LAMA1: variants seen among roughly 807,000 people sequenced by gnomAD.
The protein encoded by LAMA1 is laminin subunit alpha-1.
LAMA1 carries 219 observed loss-of-function variants against 348.7 expected under a neutral mutation model. The observed-to-expected ratio is 0.63, with a 90% CI of 0.56 to 0.70. LAMA1 has a LOEUF of 0.70. Ranked by LOEUF, LAMA1 falls within the 30% of genes least tolerant of loss-of-function variation. The pLI is 0.00. For missense variants in LAMA1, 3,744 were observed against 3,888.0 expected (o/e 0.96, Z 0.99); for synonymous variants, 1,487 against 1,491.0 (o/e 1.00, Z 0.06).
chr18:7,070,618 C>T (rs2058142043), intron 3 of LAMA1, among the ~76,000 whole-genome samples: 1 of 152,134 alleles, frequency 6.6e-6, no homozygotes. Flanking sequence ...CAGCTCTTGT[C>T]TAAAAGTTTG....
intron 1 of LAMA1, among the ~76,000 whole-genome samples, chr18:7,116,458 A>C (rs2058356856): frequency 6.6e-6 from 1 of 152,154 alleles, no homozygotes; most frequent in African/African-American, 2.4e-5. Context: ...CTGCGTTTCC[A>C]GCTCCGGTCC....
intron 1 of LAMA1, among the ~76,000 whole-genome samples, chr18:7,083,354 T>C (rs1317874548): frequency 6.6e-6 from 1 of 151,778 alleles, no homozygotes; most frequent in African/African-American, 2.4e-5. Flanking sequence ...CCCAGCTAAT[T>C]TTTGTATTTT....
rs150887184 is a variant in LAMA1 at position 6,955,957 on chromosome 18, C to T, written c.8095-492G>A. The T allele has an allele frequency of 2.0e-4, 62 of 313,026 alleles. 2 individuals carry two copies. In the East Asian group the frequency reaches 3.2e-3, roughly 16 times the overall value. 19.4% of individuals were successfully genotyped at this position (313,026 alleles called of 1,614,324 possible). On this transcript the variant is annotated intron_variant, in intron 56 of 62. Transcript: ENST00000389658. ...CAGGATGCAGACAAGAGGAGCCAGGCGGGAAGGGCCCCTGAACCCCACGCA... is the reference window on the plus strand; with the variant it reads ...CAGGATGCAGACAAGAGGAGCCAGGTGGGAAGGGCCCCTGAACCCCACGCA...
chr18:7,065,253 A>C (rs1236435078), intron 3 of LAMA1, among the ~76,000 whole-genome samples: 2 of 143,032 alleles, frequency 1.4e-5, no homozygotes, highest in African/African-American at 5.0e-5. Context: ...AAAAAAAAAA[A>C]CAACGACTAG....
At chr18:6,962,164 G>A (rs1263488657) in intron 51 of LAMA1, 105 bp from the exon 52 acceptor site, 6 of 786,706 alleles carry the variant, frequency 7.6e-6, no homozygotes, top group East Asian at 7.5e-5. Flanking sequence ...GCTTATGCCT[G>A]TAATCCCAGC....
chr18:6,949,266 C>G lies in LAMA1; in HGVS notation c.8398-7G>C. 6.2e-7 allele frequency: 1 copy of G among 1,614,070 alleles called. No individual in the cohort carries two copies. Among genetic ancestry groups the G allele is most frequent in the Non-Finnish European group, 8.5e-7 (1 of 1,179,976 alleles). On this transcript the variant is annotated splice_region_variant and splice_polypyrimidine_tract_variant and intron_variant, in intron 58 of 62. Transcript: ENST00000389658. ...TAACATAGTCTGTCTTGACCTACAG[C>G]AAAGTGAAAACATGCATAATTTTTG... is the stretch of plus-strand genomic sequence containing the variant.
At chr18:7,070,572 T>G (rs1427182147) in intron 3 of LAMA1, among the ~76,000 whole-genome samples, 1 of 152,206 alleles carries the variant, frequency 6.6e-6, no homozygotes, top group East Asian at 1.9e-4. Flanking sequence ...AACTGACATC[T>G]GAATTAATGA....
intron 3 of LAMA1, among the ~76,000 whole-genome samples, chr18:7,052,293 T>A (rs1439017812): frequency 1.3e-5 from 2 of 151,784 alleles, no homozygotes; most frequent in African/African-American, 4.8e-5. Flanking sequence ...TAGCTGCGTG[T>A]GGTGGCAGGC....
intron 53 of LAMA1, 98 bp downstream of exon 53, chr18:6,961,488 A>G (rs2057606856): frequency 1.4e-6 from 2 of 1,413,154 alleles, no homozygotes; most frequent in Non-Finnish European, 2.0e-6. Context: ...AACCAGGAAC[A>G]CGGTGACAAT....
intron 32 of LAMA1, among the ~76,000 whole-genome samples, chr18:6,999,048 T>C (rs544055735): frequency 1.3e-4 from 19 of 151,212 alleles, no homozygotes; most frequent in African/African-American, 4.7e-4. Context: ...TTTTGTTTTT[T>C]TTTTAAGTCC....
chr18:6,948,007 C>T (rs1408241630), intron 60 of LAMA1, among the ~76,000 whole-genome samples: 1 of 152,168 alleles, frequency 6.6e-6, no homozygotes, highest in Admixed American at 6.5e-5. Flanking sequence ...GCTGGCTTCC[C>T]CCTCTTCCCC....
chr18:7,047,045 CT>C (rs11312379), intron 5 of LAMA1, among the ~76,000 whole-genome samples: 7,348 of 133,072 alleles, frequency 0.055, 467 homozygotes, highest in African/African-American at 0.18. Flanking sequence ...GCCTTGATTT[CT>C]TTTTTTTTTT....
Position 7,043,346 on chromosome 18 carries a change from TC to T in LAMA1, c.1035del (p.Lys346ArgfsTer4). 1 of 1,614,112 alleles carries T rather than the reference TC, an allele frequency of 6.2e-7. No individual in the cohort carries two copies. Among genetic ancestry groups the T allele is most frequent in the Non-Finnish European group, 8.5e-7 (1 of 1,180,016 alleles). ...TGTCCAGCAGTATTCAAACTTTTCT[TC>T]TGCTTTGCAACACTTTCATCATAGT... The part of the protein sequence containing the change: ...DCYYDESVAK[Q>X]KKSLNTAGQF... On this transcript the variant is annotated frameshift_variant, in exon 8 of 63. Transcript: ENST00000389658. LOFTEE classifies it high-confidence loss of function.
chr18:7,040,089 G>T lies in LAMA1; in HGVS notation c.1409C>A (p.Pro470His). The stretch of plus-strand genomic sequence containing the variant: ...CTCCCCACTTACCTTACAAACACAG[G>T]GCCCTGTGCAGGGCTCATCACTGGC... Reference protein sequence around the residue: ...GSASDEPCTGPCVCKENVEGK... With the variant: ...GSASDEPCTGHCVCKENVEGK... Residue 470 changes from proline to histidine, a missense_variant, in exon 10 of 63, where the codon CCC becomes CAC. By Grantham distance (77) the Pro-to-His change is moderately conservative (BLOSUM62 -2). Transcript: ENST00000389658. 6.2e-7 allele frequency: 1 copy of T among 1,613,940 alleles called. No homozygotes were observed. The highest frequency in any genetic ancestry group is 1.1e-5 in the South Asian group (1 of 91,060).
intron 10 of LAMA1, among the ~76,000 whole-genome samples, chr18:7,039,503 G>C (rs1270823879): frequency 1.3e-5 from 2 of 152,080 alleles, no homozygotes; most frequent in Non-Finnish European, 2.9e-5. Flanking sequence ...GCGTTTAATT[G>C]GTGTTCTCAG....
At chr18:7,082,890 G>A (rs1420688618) in intron 1 of LAMA1, among the ~76,000 whole-genome samples, 1 of 142,592 alleles carries the variant, frequency 7.0e-6, no homozygotes, top group Non-Finnish European at 1.5e-5. Context: ...GTTCCCACTT[G>A]CTCCTTATTC....
intron 1 of LAMA1, among the ~76,000 whole-genome samples, chr18:7,114,447 G>A (rs2058348075): frequency 6.6e-6 from 1 of 152,118 alleles, no homozygotes; most frequent in Non-Finnish European, 1.5e-5. Context: ...AAACAATTAT[G>A]CATTTTGGAG....
rs561030152 is a variant in LAMA1 at position 6,973,463 on chromosome 18, T to C, written c.6624-256A>G. Among the ~76,000 whole-genome samples, 3 of 152,320 alleles carry C rather than the reference T, an allele frequency of 2.0e-5. No homozygotes were observed. In the South Asian group the frequency reaches 6.2e-4, roughly 32 times the overall value. Reference sequence around the variant, plus strand: ...GCTAAACTGTATCTGAAGATATGTCTACTCCGTAAATATTATCCCATTTTG... The same window carrying C: ...GCTAAACTGTATCTGAAGATATGTCCACTCCGTAAATATTATCCCATTTTG... On this transcript the variant is annotated intron_variant, in intron 46 of 62. Transcript: ENST00000389658.
chr18:7,056,632 A>C (rs2058083235), intron 3 of LAMA1, among the ~76,000 whole-genome samples: 1 of 152,152 alleles, frequency 6.6e-6, no homozygotes. Context: ...ACACACACCT[A>C]GGGTCACTGA....
Sources: gnomAD v4.1 joint callset for allele counts (sites outside exome capture counted in the v4.1 genomes callset) on GRCh38, gnomAD v4.1.1 for gene constraint, MANE v1.5 for transcripts, NCBI Gene and HGNC (gene_info 2026-07-23, HGNC 2026-07-21) for gene names.